SLC23A2: variants seen among roughly 807,000 people sequenced by gnomAD.
SLC23A2 encodes the protein solute carrier family 23 member 2.
Under a neutral mutation model 73.3 loss-of-function variants are expected in SLC23A2, and 36 were observed. The ratio of observed to expected loss-of-function variants is 0.49; its 90% CI spans 0.38 to 0.65. The LOEUF (loss-of-function observed/expected upper bound fraction) is 0.65, where lower values mean the gene tolerates loss of function less well. SLC23A2 is among the 30% of genes least tolerant of loss of function. The pLI is 0.00. For missense variants in SLC23A2, 507 were observed against 841.6 expected (o/e 0.60, Z 4.92); for synonymous variants, 343 against 327.3 (o/e 1.05, Z -0.52).
intron 1 of SLC23A2, among the ~76,000 whole-genome samples, chr20:4,995,323 C>T (rs2088001904): frequency 6.6e-6 from 1 of 152,150 alleles, no homozygotes; most frequent in African/African-American, 2.4e-5. Context: ...GACGGTCCTG[C>T]TCCCATTCAG....
At chr20:4,908,232 C>T (rs1381525425) in intron 4 of SLC23A2, among the ~76,000 whole-genome samples, 2 of 151,996 alleles carry the variant, frequency 1.3e-5, no homozygotes, top group Non-Finnish European at 2.9e-5. Context: ...AAAACTGGCC[C>T]AGAAAAGGAT....
In SLC23A2 at chr20:4,857,434, C is replaced by A. The variant is rs913873209; in HGVS notation, c.1721-230G>T. Among the ~76,000 whole-genome samples the A allele has an allele frequency of 3.7e-4, 57 of 152,088 alleles. No homozygotes were observed. The highest frequency in any genetic ancestry group is 1.4e-3 in the African/African-American group (56 of 41,408). On this transcript the variant is annotated intron_variant, in intron 16 of 16. Transcript: ENST00000338244. This position sits in a 1 kb window ranked among gnomAD's most constrained non-coding sequence, Gnocchi z 4.0. ...GTGCCCAAACCAGAAGTCTAAGAAG[C>A]ACTAACCCCTCCATGTCCTCATTCA...
chr20:4,993,410 G>GAAAA (rs3055956), intron 1 of SLC23A2, among the ~76,000 whole-genome samples: 60 of 121,520 alleles, frequency 4.9e-4, no homozygotes, highest in Non-Finnish European at 2.2e-4. Flanking sequence ...GCCAAAATCC[G>GAAAA]AAAAAAAAAA....
intron 11 of SLC23A2, among the ~76,000 whole-genome samples, chr20:4,871,595 G>A (rs1466450746): frequency 1.3e-5 from 2 of 152,188 alleles, no homozygotes; most frequent in African/African-American, 4.8e-5. Context: ...AAAGTCAGAC[G>A]TGCAGAATAA....
In SLC23A2 at chr20:4,859,365, T is replaced by C; in HGVS notation, c.1644A>G (p.Gln548=). 6.2e-7 allele frequency: 1 copy of C among 1,612,026 alleles called. No homozygotes were observed. Among genetic ancestry groups the C allele is most frequent in the African/African-American group, 1.3e-5 (1 of 74,956 alleles). The change falls in exon 16 of 17, where the codon CAA becomes CAG. Residue 548 remains glutamine (Q), a synonymous_variant. Coordinates refer to ENST00000338244, the MANE Select transcript of SLC23A2 (RefSeq NM_005116.6). ...PLVTGITGID[Q]VLNVLLTTAM... ...CAGTTGTGAGAAGGACGTTCAACAC[T>C]TGATCGATTCCTGTTATCCCTAGAA...
chr20:4,972,351 C>CTT (rs766605621), intron 1 of SLC23A2, among the ~76,000 whole-genome samples: 1 of 138,028 alleles, frequency 7.2e-6, no homozygotes, highest in Non-Finnish European at 1.6e-5. Flanking sequence ...ATTAATGAGT[C>CTT]TTTTTTTTTT....
chr20:4,926,921 A>G (rs1932693242), intron 3 of SLC23A2, among the ~76,000 whole-genome samples: 1 of 151,766 alleles, frequency 6.6e-6, no homozygotes. Flanking sequence ...TCCAGGAGAC[A>G]CCCCACAAGC....
At chr20:4,888,240 T>G (rs999842792) in intron 6 of SLC23A2, among the ~76,000 whole-genome samples, 3 of 152,214 alleles carry the variant, frequency 2.0e-5, no homozygotes, top group Non-Finnish European at 4.4e-5. Flanking sequence ...AAAGTTGTAC[T>G]GGAACAAAGG....
At chr20:4,981,784 C>A (rs1221184891) in intron 1 of SLC23A2, among the ~76,000 whole-genome samples, 12 of 152,042 alleles carry the variant, frequency 7.9e-5, no homozygotes. Context: ...TCACCACAAC[C>A]TCCACCCCCC....
chr20:4,961,358 A>AG (rs2087386172), intron 2 of SLC23A2, among the ~76,000 whole-genome samples: 1 of 151,966 alleles, frequency 6.6e-6, no homozygotes, highest in Non-Finnish European at 1.5e-5. Flanking sequence ...CTGGGATTAC[A>AG]GGCGTGAGCC....
intron 2 of SLC23A2, among the ~76,000 whole-genome samples, chr20:4,946,681 T>G (rs2087123752): frequency 6.6e-6 from 1 of 152,042 alleles, no homozygotes. Flanking sequence ...AGCTCCTGAG[T>G]CCAGCCTGAG....
rs538948715 is a variant in SLC23A2, at chr20:4,854,994, G to A, written c.*1978C>T. On this transcript the variant is annotated 3_prime_UTR_variant, in exon 17 of 17. Transcript: ENST00000338244. ...GCAACTCATTGCAGGAGGGCTGCCAGCCTCAAGAGTGTCCCAAGGCAAGAG... is the reference window on the plus strand; with the variant it reads ...GCAACTCATTGCAGGAGGGCTGCCAACCTCAAGAGTGTCCCAAGGCAAGAG... 3 of 152,134 alleles carry A rather than the reference G, an allele frequency of 2.0e-5. No homozygotes were observed. The South Asian group carries it at 6.2e-4, about 32-fold the overall frequency. 9.4% of individuals were successfully genotyped at this position (152,134 alleles called of 1,614,324 possible). A position where few individuals can be genotyped will look rare whatever the true frequency, so the allele number is the denominator to read the frequency against.
chr20:4,965,020 T>C (rs762864876), intron 2 of SLC23A2, among the ~76,000 whole-genome samples: 31 of 152,166 alleles, frequency 2.0e-4, no homozygotes, highest in Non-Finnish European at 1.0e-4. Flanking sequence ...TATGTCACTT[T>C]CATAATTCTT....
chr20:4,914,219 C>T (rs1040621715), intron 3 of SLC23A2, among the ~76,000 whole-genome samples: 1 of 151,306 alleles, frequency 6.6e-6, no homozygotes, highest in African/African-American at 2.4e-5. Flanking sequence ...ACACCTCAAA[C>T]CAATAATAAA....
At chr20:5,003,210 C>T (rs1251138644), upstream of SLC23A2, among the ~76,000 whole-genome samples, 1 of 152,010 alleles carries the variant, frequency 6.6e-6, no homozygotes, top group Non-Finnish European at 1.5e-5. Context: ...GGTGAAACCC[C>T]GTCTCTACTA....
intron 1 of SLC23A2, among the ~76,000 whole-genome samples, chr20:4,992,724 G>A (rs2087948183): frequency 6.6e-6 from 1 of 151,456 alleles, no homozygotes; most frequent in Admixed American, 6.6e-5. Flanking sequence ...TGGTCAGGCT[G>A]GTCTGGAACT....
chr20:4,866,453 A>C (rs1930204144), intron 13 of SLC23A2, among the ~76,000 whole-genome samples: 1 of 152,158 alleles, frequency 6.6e-6, no homozygotes, highest in African/African-American at 2.4e-5. Flanking sequence ...TGCCCATGAG[A>C]TCCTTCCCTC....
intron 2 of SLC23A2, among the ~76,000 whole-genome samples, chr20:4,957,590 A>AG (rs993596749): frequency 6.6e-6 from 1 of 151,564 alleles, no homozygotes; most frequent in African/African-American, 2.4e-5. Context: ...CTCAAAAAAA[A>AG]AAAAAAAGAA....
At chr20:4,886,639 TTAGC>T (rs1931109886) in intron 6 of SLC23A2, among the ~76,000 whole-genome samples, 1 of 152,224 alleles carries the variant, frequency 6.6e-6, no homozygotes, top group Non-Finnish European at 1.5e-5. Context: ...CATGAACACT[TTAGC>T]TATTCAAAAA....
Sources: allele counts gnomAD v4.1 joint callset (sites outside exome capture counted in the v4.1 genomes callset), GRCh38; gene constraint gnomAD v4.1.1; non-coding constraint Gnocchi (gnomAD v3.1); transcripts MANE v1.5; gene names NCBI Gene and HGNC (gene_info 2026-07-23, HGNC 2026-07-21).